Variants in RPS6KA2 observed in about 807,000 individuals in gnomAD.
RPS6KA2 encodes the protein ribosomal protein S6 kinase alpha-2.
In RPS6KA2, 42 loss-of-function variants were observed where a neutral mutation model predicts 91.8. That is an observed-to-expected ratio of 0.46 (90% CI 0.36 to 0.59). The LOEUF (loss-of-function observed/expected upper bound fraction) is 0.59. Among genes scored for constraint, RPS6KA2 ranks in the 20% least tolerant of loss-of-function variants. RPS6KA2 has a pLI of 0.00. For missense variants in RPS6KA2, 798 were observed against 978.5 expected, an observed-to-expected ratio of 0.82 and a Z score of 2.46; for synonymous variants, 414 against 393.6, an observed-to-expected ratio of 1.05 and a Z score of -0.61.
chr6:166,711,464 T>C (rs924433634), intron 2 of RPS6KA2, among the ~76,000 whole-genome samples: 1 of 148,852 alleles, frequency 6.7e-6, no homozygotes, highest in Non-Finnish European at 1.5e-5. Context: ...GACAAAGATT[T>C]CAAAGCAGCC....
chr6:166,776,986 G>A (rs1325310222), intron 2 of RPS6KA2, among the ~76,000 whole-genome samples: 5 of 152,156 alleles, frequency 3.3e-5, no homozygotes, highest in African/African-American at 1.2e-4. Context: ...GTTCTCTTTT[G>A]GAGAAATGTC....
At chr6:166,706,725 G>C (rs539554701) in intron 2 of RPS6KA2, among the ~76,000 whole-genome samples, 1 of 152,200 alleles carries the variant, frequency 6.6e-6, no homozygotes, top group African/African-American at 2.4e-5. Context: ...GTAAAGCCCC[G>C]TGCCAACTGT....
intron 2 of RPS6KA2, among the ~76,000 whole-genome samples, chr6:166,819,478 GAA>G (rs1194401151): frequency 6.6e-6 from 1 of 152,166 alleles, no homozygotes; most frequent in African/African-American, 2.4e-5. Flanking sequence ...TGTGAATGCA[GAA>G]AGTCAGCCCT....
chr6:166,704,437 C>G (rs532452519), intron 2 of RPS6KA2, among the ~76,000 whole-genome samples: 2 of 152,338 alleles, frequency 1.3e-5, no homozygotes, highest in East Asian at 3.9e-4. Flanking sequence ...TAGCGACTGA[C>G]TAGGTGTGAA....
intron 2 of RPS6KA2, among the ~76,000 whole-genome samples, chr6:166,678,075 C>T (rs910492535): frequency 6.6e-6 from 1 of 152,176 alleles, no homozygotes; most frequent in African/African-American, 2.4e-5. Context: ...AAATATAAAG[C>T]TGGTTTCCGG....
chr6:166,412,941 G>A lies in RPS6KA2; in HGVS notation c.2077-54C>T. On this transcript the variant is annotated intron_variant, in intron 20 of 20. Coordinates refer to ENST00000265678, the MANE Select transcript of RPS6KA2 (RefSeq NM_021135.6). The surrounding 1 kb of genome is among the most constrained non-coding windows in gnomAD (Gnocchi z 4.3). ...CGCGGCGCCTCACTCCAGGGGTTGA[G>A]CCGGAGCCCGGGGCCTCCATGGGCC... 6.7e-7 allele frequency: 1 copy of A among 1,494,460 alleles called. No individual in the cohort carries two copies. Among genetic ancestry groups the A allele is most frequent in the Non-Finnish European group, 9.0e-7 (1 of 1,116,766 alleles). 92.6% of individuals were successfully genotyped at this position (1,494,460 alleles called of 1,614,324 possible).
intron 2 of RPS6KA2, among the ~76,000 whole-genome samples, chr6:166,712,255 C>T (rs1789884137): frequency 6.6e-6 from 1 of 152,156 alleles, no homozygotes; most frequent in African/African-American, 2.4e-5. Context: ...ATCACCTGAC[C>T]TTCAAAGACT....
chr6:166,423,319 C>A lies in RPS6KA2; in HGVS notation c.1680G>T (p.Gln560His). ...TGAGCAGCCCGTTCCCCGCGCGCAG[C>A]TGCTTGGCAAAGCCGAAGTCGCAGA... ...IRVCDFGFAK[Q>H]LRAGNGLLMT... The change falls in exon 17 of 21, where the codon CAG (glutamine) becomes CAT (histidine). Residue 560 changes from glutamine to histidine, a missense_variant. By Grantham distance (24) the Gln-to-His change is conservative. Coordinates refer to ENST00000265678, the MANE Select transcript of RPS6KA2 (RefSeq NM_021135.6). This position sits in a 1 kb window ranked among gnomAD's most constrained non-coding sequence, Gnocchi z 4.8. 1 of 1,614,140 alleles carries A rather than the reference C, an allele frequency of 6.2e-7. No individual in the cohort carries two copies. Among genetic ancestry groups the A allele is most frequent in the South Asian group, 1.1e-5 (1 of 91,092 alleles).
chr6:166,651,587 A>C (rs1787856897), intron 2 of RPS6KA2, among the ~76,000 whole-genome samples: 1 of 152,254 alleles, frequency 6.6e-6, no homozygotes, highest in African/African-American at 2.4e-5. Flanking sequence ...AATTTCCTCG[A>C]AGCACTTTAG....
intron 1 of RPS6KA2, among the ~76,000 whole-genome samples, chr6:166,623,130 T>G (rs1442529235): frequency 2.0e-5 from 3 of 152,244 alleles, no homozygotes; most frequent in African/African-American, 7.2e-5. Context: ...ACAGCTGAAA[T>G]AGCTCAAATA....
chr6:166,720,950 G>A (rs1790153029), intron 2 of RPS6KA2, among the ~76,000 whole-genome samples: 1 of 152,176 alleles, frequency 6.6e-6, no homozygotes. Context: ...TTGAGAAGCT[G>A]CATGTTTAAC....
chr6:166,590,747 T>C (rs574791779), intron 1 of RPS6KA2, among the ~76,000 whole-genome samples: 19 of 152,108 alleles, frequency 1.2e-4, no homozygotes, highest in African/African-American at 4.6e-4. Context: ...ACAATAAAAC[T>C]CATTTTAAAA....
At chr6:166,624,004 T>C (rs925986954) in intron 1 of RPS6KA2, among the ~76,000 whole-genome samples, 12 of 152,042 alleles carry the variant, frequency 7.9e-5, no homozygotes, top group African/African-American at 2.4e-4. Flanking sequence ...TAAAATCAAG[T>C]ATGTTCAGAG....
At chr6:166,746,178 T>C (rs188890773) in intron 2 of RPS6KA2, among the ~76,000 whole-genome samples, 2 of 152,304 alleles carry the variant, frequency 1.3e-5, no homozygotes, top group East Asian at 1.9e-4. Flanking sequence ...AGCTGGAGTA[T>C]GCAGGCTCTC....
At chr6:166,742,605 A>C (rs1033459906) in intron 2 of RPS6KA2, among the ~76,000 whole-genome samples, 19 of 152,112 alleles carry the variant, frequency 1.2e-4, no homozygotes, top group African/African-American at 4.3e-4. Context: ...GCTGTACTGC[A>C]TCCTAGGTCC....
In RPS6KA2 at chr6:166,665,206, A is replaced by C. The variant is rs575736602; in HGVS notation, c.124-126422T>G. On this transcript the variant is annotated intron_variant, in intron 2 of 21. Transcript: ENST00000503859. The surrounding 1 kb of genome is among the most constrained non-coding windows in gnomAD (Gnocchi z 4.5). ...GCTCACAGACAGAGGAATGCCCCCC[A>C]AGATACTAACTCAGGTGAAAGATTG... is the stretch of plus-strand genomic sequence containing the variant. Among the ~76,000 whole-genome samples the C allele has an allele frequency of 6.6e-6, 1 of 152,298 alleles. No individual in the cohort carries two copies. The highest frequency in any genetic ancestry group is 2.1e-4 in the South Asian group (1 of 4,824).
rs960006477 is a variant in RPS6KA2, at chr6:166,767,251, C to G, written c.123+90949G>C. Among the ~76,000 whole-genome samples the G allele has an allele frequency of 1.3e-5, 2 of 152,162 alleles. No homozygotes were observed. Among genetic ancestry groups the G allele is most frequent in the African/African-American group, 4.8e-5 (2 of 41,416 alleles). On this transcript the variant is annotated intron_variant, in intron 2 of 21. Transcript: ENST00000503859. The surrounding 1 kb of genome is among the most constrained non-coding windows in gnomAD (Gnocchi z 4.6). The stretch of plus-strand genomic sequence containing the variant: ...CCCCATGAGCAACGCCATCAAAAAG[C>G]AAAATACAACTGCGACTACCGTCTC...
At chr6:166,850,770 C>G (rs759289359) in intron 2 of RPS6KA2, among the ~76,000 whole-genome samples, 9 of 152,018 alleles carry the variant, frequency 5.9e-5, no homozygotes, top group Non-Finnish European at 1.0e-4. Context: ...TGGGCTCCCC[C>G]ACATGTGGGT....
intron 2 of RPS6KA2, among the ~76,000 whole-genome samples, chr6:166,836,661 A>G (rs531422091): frequency 1.2e-4 from 19 of 152,116 alleles, no homozygotes; most frequent in African/African-American, 4.3e-4. Flanking sequence ...TTTCTGGTAG[A>G]TCTCTCATCA....
Sources: gnomAD v4.1 joint callset for allele counts (sites outside exome capture counted in the v4.1 genomes callset) on GRCh38, gnomAD v4.1.1 for gene constraint, Gnocchi (gnomAD v3.1) non-coding constraint, MANE v1.5 for transcripts, NCBI Gene and HGNC (gene_info 2026-07-23, HGNC 2026-07-21) for gene names.